The following HSPA9 variants were observed in gnomAD, a reference collection of about 807,000 sequenced individuals.
HSPA9 encodes heat shock protein family A (Hsp70) member 9, also known as stress-70 protein, mitochondrial.
Under a neutral mutation model 81.5 loss-of-function variants are expected in HSPA9, and 28 were observed. That is an observed-to-expected ratio of 0.34 (90% confidence interval 0.25 to 0.47). The LOEUF is 0.47. Among genes scored for constraint, HSPA9 ranks in the 20% least tolerant of loss-of-function variants. The pLI is 1.00. For synonymous variants in HSPA9, 293 were observed against 290.4 expected, an observed-to-expected ratio of 1.01 and a Z score of -0.09; for missense variants, 678 against 838.0, an observed-to-expected ratio of 0.81 and a Z score of 2.36.
chr5:138,573,825 C>A lies in HSPA9; in HGVS notation c.166G>T (p.Val56Phe), dbSNP rs150186605. Residue 56 changes from valine (V) to phenylalanine (F), a missense_variant, in exon 3 of 17, where the codon GTT (valine) becomes TTT (phenylalanine). Val to Phe is a conservative substitution (Grantham distance 50). This residue lies in a region of HSPA9 where 5 missense variants were observed against 20.6 expected (regional missense o/e 0.24). Transcript: ENST00000297185. ...YASEAIKGAVVGIDLGTTNSC... is the reference protein window; with the variant it reads ...YASEAIKGAVFGIDLGTTNSC... Reference sequence around the variant, plus strand: ...TTGGTAGTACCCAAATCAATACCAACAACTGCTCCCTTGATTGCTTCTGAT... The same window carrying A: ...TTGGTAGTACCCAAATCAATACCAAAAACTGCTCCCTTGATTGCTTCTGAT... 1 of 1,613,342 alleles carries A rather than the reference C, an allele frequency of 6.2e-7. No individual in the cohort carries two copies. Among genetic ancestry groups the A allele is most frequent in the African/African-American group, 1.3e-5 (1 of 74,894 alleles).
At chr5:138,560,947 T>C (rs1452857530) in intron 10 of HSPA9, 2 of 397,740 alleles carry the variant, frequency 5.0e-6, no homozygotes, top group Non-Finnish European at 1.0e-5. Flanking sequence ...GGCCATGTAT[T>C]TCAATGGAAA....
chr5:138,561,175 G>A (rs1228860801), intron 10 of HSPA9: 7 of 425,348 alleles, frequency 1.6e-5, no homozygotes, highest in South Asian at 4.8e-5. Context: ...GGCCGGGGGC[G>A]GGGTATTACC....
chr5:138,556,243 A>G (rs753959773), intron 16 of HSPA9, 129 bp from the exon 17 acceptor site: 1 of 1,025,178 alleles, frequency 9.8e-7, no homozygotes, highest in Non-Finnish European at 1.5e-6. Context: ...CCCCCTCCCC[A>G]CTTTCTACCC....
At chr5:138,573,873 T>C (rs1430955318) in intron 2 of HSPA9, 23 bp from the exon 3 acceptor site, 13 of 1,570,172 alleles carry the variant, frequency 8.3e-6, no homozygotes, top group Non-Finnish European at 1.1e-5. Context: ...TAGAACAGTG[T>C]CACAGCTATT....
rs538359730 is a variant in HSPA9, at chr5:138,554,122, A to G, written c.*1915T>C. The stretch of plus-strand genomic sequence containing the variant: ...TATTGGCTGTAGGAAATCTCCATAT[A>G]CCTTCTTGCTATTTATGCTATTAGC... On this transcript the variant is annotated 3_prime_UTR_variant, in exon 17 of 17. Coordinates refer to ENST00000297185, the MANE Select transcript of HSPA9 (RefSeq NM_004134.7). Among the ~76,000 whole-genome samples, 60 of 152,226 alleles carry G rather than the reference A, an allele frequency of 3.9e-4. No homozygotes were observed. The highest frequency in any genetic ancestry group is 8.3e-4 in the South Asian group (4 of 4,824).
chr5:138,572,895 C>T (rs1750939360), intron 3 of HSPA9, among the ~76,000 whole-genome samples: 1 of 151,632 alleles, frequency 6.6e-6, no homozygotes, highest in African/African-American at 2.4e-5. Flanking sequence ...GATCTATAGT[C>T]TCTTCTTTTT....
chr5:138,569,086 T>C, intron 4 of HSPA9, 37 bp from the exon 5 acceptor site: 1 of 1,606,166 alleles, frequency 6.2e-7, no homozygotes, highest in Non-Finnish European at 8.5e-7. Flanking sequence ...GAAAACTACC[T>C]GAACAACTTA....
At position 138,553,771 on chromosome 5, in the gene HSPA9, A is replaced by C. The variant is rs984341624; in HGVS notation, c.*2266T>G. On this transcript the variant is annotated 3_prime_UTR_variant, in exon 17 of 17. Transcript: ENST00000297185. Reference sequence around the variant, plus strand: ...CAATCATTTCTTTTTGCCTTTTGTGATAGTTAATTTTATGTGTCAGTTTAG... The same window carrying C: ...CAATCATTTCTTTTTGCCTTTTGTGCTAGTTAATTTTATGTGTCAGTTTAG... Among the ~76,000 whole-genome samples the C allele has an allele frequency of 3.9e-5, 6 of 152,130 alleles. No individual in the cohort carries two copies. The highest frequency in any genetic ancestry group is 8.8e-5 in the Non-Finnish European group (6 of 68,024).
At chr5:138,574,642 G>A (rs1751043438) in intron 1 of HSPA9, 1 of 167,120 alleles carries the variant, frequency 6.0e-6, no homozygotes, top group Non-Finnish European at 1.3e-5. Flanking sequence ...CTTCCTTAAT[G>A]CCCACATACA....
At chr5:138,560,154 G>C (rs1407614018) in intron 10 of HSPA9, 63 bp from the exon 11 acceptor site, 8 of 1,148,558 alleles carry the variant, frequency 7.0e-6, no homozygotes, top group African/African-American at 6.1e-5. Context: ...CAGAACAAAA[G>C]GGAGCACGTG....
rs933770511 is a variant in HSPA9 at position 138,553,785 on chromosome 5, G to A, written c.*2252C>T. ...TGCCTTTTGTGATAGTTAATTTTAT[G>A]TGTCAGTTTAGCCATTGATGCCATT... On this transcript the variant is annotated 3_prime_UTR_variant, in exon 17 of 17. Transcript: ENST00000297185. 2.6e-5 allele frequency among the ~76,000 whole-genome samples: 4 copies of A among 152,164 alleles called. No individual in the cohort carries two copies. The highest frequency in any genetic ancestry group is 4.8e-5 in the African/African-American group (2 of 41,440).
chr5:138,573,709 G>A (rs1004308807), intron 3 of HSPA9, 54 bp downstream of exon 3: 2 of 870,906 alleles, frequency 2.3e-6, no homozygotes, highest in Non-Finnish European at 1.9e-6. Flanking sequence ...AAGGAAAAGA[G>A]CACAGAATTC....
chr5:138,573,641 CAAAAAAAAAAAAAAAAAA>C (rs57776368), intron 3 of HSPA9, 104 bp downstream of exon 3: 2 of 302,706 alleles, frequency 6.6e-6, no homozygotes, highest in Non-Finnish European at 6.0e-6. Context: ...AGACTGTCTC[CAAAAAAAAAAAAAAAAAA>C]AAAAAAAAAG....
At chr5:138,562,636 T>C (rs1750685895) in intron 9 of HSPA9, among the ~76,000 whole-genome samples, 1 of 152,204 alleles carries the variant, frequency 6.6e-6, no homozygotes, top group Non-Finnish European at 1.5e-5. Context: ...TTAACAAGAA[T>C]GCAGCAGATA....
intron 5 of HSPA9, among the ~76,000 whole-genome samples, chr5:138,568,520 C>T (rs1269165887): frequency 6.6e-6 from 1 of 151,952 alleles, no homozygotes; most frequent in African/African-American, 2.4e-5. Flanking sequence ...AAAACAACAA[C>T]AAAAAAACCC....
In HSPA9 at chr5:138,560,559, TTCTTC is replaced by T. The variant is rs1243223497; in HGVS notation, c.1183-473_1183-469del. ...TGAATAGTATCGGGGATACTTTTTC[TTCTTC>T]TTTTTTTTTTTTTTGAGACGGAGTC... On this transcript the variant is annotated intron_variant, in intron 10 of 16. Coordinates refer to ENST00000297185, the MANE Select transcript of HSPA9 (RefSeq NM_004134.7). Among the ~76,000 whole-genome samples, 5 of 126,490 alleles carry T rather than the reference TTCTTC, an allele frequency of 4.0e-5. No individual in the cohort carries two copies. The East Asian group carries it at 1.8e-3, about 45-fold the overall frequency. 83.0% of individuals were successfully genotyped at this position (126,490 alleles called of 152,430 possible).
intron 1 of HSPA9, 77 bp downstream of exon 1, chr5:138,575,161 G>T: frequency 2.0e-6 from 2 of 1,002,484 alleles, no homozygotes; most frequent in Non-Finnish European, 3.1e-6. Context: ...CCTAAAGGGC[G>T]CGCGGCCTGC....
intron 4 of HSPA9, 180 bp downstream of exon 4, chr5:138,570,780 G>C (rs1750865270): frequency 1.6e-6 from 1 of 632,490 alleles, no homozygotes; most frequent in African/African-American, 1.8e-5. Flanking sequence ...CCACTGCACT[G>C]GCCAAAAATG....
At chr5:138,566,279 G>A (rs143962111) in intron 9 of HSPA9, among the ~76,000 whole-genome samples, 40 of 148,650 alleles carry the variant, frequency 2.7e-4, no homozygotes, top group African/African-American at 9.6e-4. Context: ...TAAGACAGCA[G>A]TTTTTCCAAG....
Sources: allele counts gnomAD v4.1 joint callset (sites outside exome capture counted in the v4.1 genomes callset), GRCh38; gene constraint gnomAD v4.1.1; regional missense constraint gnomAD v4.1.1; transcripts MANE v1.5; gene names NCBI Gene and HGNC (gene_info 2026-07-23, HGNC 2026-07-21).